The following C19orf18 variants were observed in gnomAD, a reference collection of about 807,000 sequenced individuals.
C19orf18 encodes uncharacterized protein C19orf18.
A neutral mutation model predicts 23.3 loss-of-function variants in C19orf18; 21 were observed. The observed-to-expected ratio is 0.90, with a 90% confidence interval of 0.64 to 1.30. The LOEUF (loss-of-function observed/expected upper bound fraction) is 1.30. Ranked by LOEUF, C19orf18 falls within the 50% of genes most tolerant of loss-of-function variation. The probability of loss-of-function intolerance (pLI) is 0.00; values close to 1 mark genes in which losing one functional copy is unlikely to be tolerated. For synonymous variants in C19orf18, 96 were observed against 95.2 expected (o/e 1.01, Z -0.05); for missense variants, 249 against 259.6 (o/e 0.96, Z 0.28).
intron 5 of C19orf18, among the ~76,000 whole-genome samples, 184 bp downstream of exon 5, chr19:57,961,207 C>A (rs2072868988): frequency 6.6e-6 from 1 of 151,128 alleles, no homozygotes; most frequent in Non-Finnish European, 1.5e-5. Flanking sequence ...TGCACTCCAG[C>A]CTGGGCTACA....
Position 57,966,512 on chromosome 19 carries a change from T to G in C19orf18, c.371+18A>C, listed in dbSNP as rs1368962427. 1 of 1,470,284 alleles carries G rather than the reference T, an allele frequency of 6.8e-7. No individual in the cohort carries two copies. Among genetic ancestry groups the G allele is most frequent in the Non-Finnish European group, 9.5e-7 (1 of 1,053,814 alleles). 91.1% of individuals were successfully genotyped at this position (1,470,284 alleles called of 1,614,324 possible). A position where few individuals can be genotyped will look rare whatever the true frequency, so the allele number is the denominator to read the frequency against. ...TGTCTCATTTAAGGACAGCAGATAT[T>G]ACTTAGCAGATACTTACTATATCAT... On this transcript the variant is annotated intron_variant, in intron 4 of 5. Coordinates refer to ENST00000314391, the MANE Select transcript of C19orf18 (RefSeq NM_152474.5).
At position 57,973,444 on chromosome 19, in the gene C19orf18, G is replaced by A. The variant is rs554573166; in HGVS notation, c.226+655C>T. ...TAGAAAATGCTTATAAAGAATTCTC[G>A]GCTGGGCATGGTGGCTCATGCCTGT... On this transcript the variant is annotated intron_variant, in intron 2 of 5. Coordinates refer to ENST00000314391, the MANE Select transcript of C19orf18 (RefSeq NM_152474.5). 2.2e-4 allele frequency among the ~76,000 whole-genome samples: 33 copies of A among 151,670 alleles called. No individual in the cohort carries two copies. The East Asian group carries it at 3.7e-3, about 17-fold the overall frequency.
At chr19:57,969,412 G>A (rs988019287) in intron 3 of C19orf18, among the ~76,000 whole-genome samples, 8 of 151,090 alleles carry the variant, frequency 5.3e-5, no homozygotes, top group Admixed American at 2.0e-4. Flanking sequence ...AAAATTAGCC[G>A]GGTGTGGTGG....
At chr19:57,963,429 C>T (rs771976773) in intron 4 of C19orf18, among the ~76,000 whole-genome samples, 13 of 152,116 alleles carry the variant, frequency 8.5e-5, no homozygotes, top group Admixed American at 3.3e-4. Flanking sequence ...CCAAACAGTG[C>T]TGTGCTAAAC....
intron 4 of C19orf18, among the ~76,000 whole-genome samples, chr19:57,965,071 T>C (rs542796594): frequency 2.0e-5 from 3 of 152,210 alleles, no homozygotes; most frequent in Non-Finnish European, 4.4e-5. Context: ...CGCTCTTTTC[T>C]GCTGTGCACT....
intron 2 of C19orf18, among the ~76,000 whole-genome samples, chr19:57,973,206 G>C (rs2072958904): frequency 7.3e-6 from 1 of 136,820 alleles, no homozygotes; most frequent in Non-Finnish European, 1.5e-5. Context: ...GCCAGGCAGA[G>C]AGGCCAGGGA....
At chr19:57,970,995 G>T (rs1377533157) in intron 3 of C19orf18, among the ~76,000 whole-genome samples, 3 of 152,196 alleles carry the variant, frequency 2.0e-5, no homozygotes, top group Non-Finnish European at 4.4e-5. Context: ...GTCAAAAGAA[G>T]GACCAGTGTG....
chr19:57,960,893 C>G (rs1442374733), intron 5 of C19orf18, among the ~76,000 whole-genome samples: 1 of 152,068 alleles, frequency 6.6e-6, no homozygotes, highest in African/African-American at 2.4e-5. Context: ...GAAAACCAAG[C>G]CACAGGCCAG....
chr19:57,969,962 T>C (rs2072934563), intron 3 of C19orf18, among the ~76,000 whole-genome samples: 1 of 151,986 alleles, frequency 6.6e-6, no homozygotes, highest in African/African-American at 2.4e-5. Flanking sequence ...ACTGCTAGCC[T>C]ACAAACAAGA....
chr19:57,968,447 G>A (rs942588389), intron 3 of C19orf18, among the ~76,000 whole-genome samples: 2 of 152,116 alleles, frequency 1.3e-5, no homozygotes, highest in African/African-American at 4.8e-5. Flanking sequence ...TGGCATGGAC[G>A]GTTCAATTTC....
chr19:57,970,963 C>T (rs2072940773), intron 3 of C19orf18, among the ~76,000 whole-genome samples: 1 of 152,124 alleles, frequency 6.6e-6, no homozygotes, highest in East Asian at 1.9e-4. Context: ...CCTTCTAGCA[C>T]CAGCACACAA....
intron 3 of C19orf18, among the ~76,000 whole-genome samples, chr19:57,967,922 G>A (rs1433551929): frequency 6.6e-6 from 1 of 152,150 alleles, no homozygotes; most frequent in African/African-American, 2.4e-5. Flanking sequence ...TGAGGCAGGA[G>A]AATCACTTGA....
chr19:57,967,662 GA>G (rs2072917780), intron 3 of C19orf18, among the ~76,000 whole-genome samples: 1 of 151,968 alleles, frequency 6.6e-6, no homozygotes, highest in Admixed American at 6.6e-5. Context: ...TGAGGCAGGA[GA>G]ATTGCTTGAG....
chr19:57,961,584 A>C, intron 4 of C19orf18, 33 bp from the exon 5 acceptor site: 1 of 1,596,634 alleles, frequency 6.3e-7, no homozygotes, highest in Middle Eastern at 1.7e-4. Context: ...TTAGAAGCAC[A>C]GTTTTCATGA....
intron 5 of C19orf18, 112 bp downstream of exon 5, chr19:57,961,279 G>C (rs796426509): frequency 2.8e-6 from 3 of 1,072,580 alleles, no homozygotes; most frequent in Non-Finnish European, 4.0e-6. Context: ...AGAAAGAAAG[G>C]AAAGAAAGAA....
chr19:57,958,980 A>G (rs527958822), intron 5 of C19orf18, among the ~76,000 whole-genome samples: 2 of 152,326 alleles, frequency 1.3e-5, no homozygotes, highest in East Asian at 3.9e-4. Context: ...TGTGGTAAAG[A>G]GACATTGGGA....
intron 2 of C19orf18, 34 bp from the exon 3 acceptor site, chr19:57,972,538 G>C: frequency 6.2e-7 from 1 of 1,610,148 alleles, no homozygotes; most frequent in Non-Finnish European, 8.5e-7. Flanking sequence ...AAAAAGAAGA[G>C]ACTTTAAGAT....
chr19:57,966,801 T>G (rs956224284), intron 3 of C19orf18, among the ~76,000 whole-genome samples, 169 bp from the exon 4 acceptor site: 2 of 152,056 alleles, frequency 1.3e-5, no homozygotes, highest in African/African-American at 2.4e-5. Context: ...ACACTGAGTC[T>G]CGCTCTATCA....
intron 4 of C19orf18, 31 bp downstream of exon 4, chr19:57,966,499 G>A (rs1486731873): frequency 1.5e-6 from 2 of 1,358,060 alleles, no homozygotes; most frequent in African/African-American, 1.4e-5. Flanking sequence ...TCTCATTTAA[G>A]GACAGCAGAT....
Sources: allele counts gnomAD v4.1 joint callset (sites outside exome capture counted in the v4.1 genomes callset), GRCh38; gene constraint gnomAD v4.1.1; transcripts MANE v1.5; gene names NCBI Gene and HGNC (gene_info 2026-07-23, HGNC 2026-07-21).